Variants in FSD1 observed in about 807,000 individuals in gnomAD.
FSD1 encodes the protein fibronectin type III and SPRY domain containing 1.
A neutral mutation model predicts 58.2 loss-of-function variants in FSD1; 23 were observed. The observed-to-expected ratio is 0.40, with a 90% CI of 0.28 to 0.56. The LOEUF (loss-of-function observed/expected upper bound fraction) is 0.56. FSD1 is among the 20% of genes least tolerant of loss of function. The probability of loss-of-function intolerance (pLI) is 0.54; values close to 1 mark genes in which losing one functional copy is unlikely to be tolerated. For synonymous variants in FSD1, 265 were observed against 263.4 expected (o/e 1.01, Z -0.06); for missense variants, 563 against 670.8 (o/e 0.84, Z 1.78).
At chr19:4,309,888 G>A (rs879220810) in intron 4 of FSD1, among the ~76,000 whole-genome samples, 7 of 138,832 alleles carry the variant, frequency 5.0e-5, no homozygotes, top group South Asian at 2.3e-4. Flanking sequence ...CAGCCTGAAC[G>A]ACAGAGCAAG....
chr19:4,305,931 C>A lies in FSD1; in HGVS notation c.16-15C>A. ...GTGTGTGCACCTGTGTGTGTCCACACTTCTGGTGGTGCAGGAGGCCCTGAG... is the reference window on the plus strand; with the variant it reads ...GTGTGTGCACCTGTGTGTGTCCACAATTCTGGTGGTGCAGGAGGCCCTGAG... On this transcript the variant is annotated splice_polypyrimidine_tract_variant and intron_variant, in intron 1 of 12. Coordinates refer to ENST00000221856, the MANE Select transcript of FSD1 (RefSeq NM_024333.3). 6.2e-7 allele frequency: 1 copy of A among 1,605,126 alleles called. No homozygotes were observed. Among genetic ancestry groups the A allele is most frequent in the Non-Finnish European group, 8.5e-7 (1 of 1,171,834 alleles).
At chr19:4,315,097 T>G (rs1971738597) in intron 7 of FSD1, among the ~76,000 whole-genome samples, 1 of 152,056 alleles carries the variant, frequency 6.6e-6, no homozygotes, top group Non-Finnish European at 1.5e-5. Context: ...TGGGAGGGTT[T>G]GGGTTATTTT....
At chr19:4,313,442 G>T (rs576609375) in intron 7 of FSD1, among the ~76,000 whole-genome samples, 1 of 138,246 alleles carries the variant, frequency 7.2e-6, no homozygotes, top group Admixed American at 7.0e-5. Flanking sequence ...CTCCTGGGCC[G>T]GGCGTGGTGG....
At chr19:4,306,361 G>GCC in intron 3 of FSD1, 32 bp downstream of exon 3, 1 of 1,609,196 alleles carries the variant, frequency 6.2e-7, no homozygotes, top group Non-Finnish European at 8.5e-7. Context: ...CTCTCCCCCC[G>GCC]CCCCTCCTAC....
chr19:4,310,829 A>C, intron 6 of FSD1: 2 of 481,692 alleles, frequency 4.2e-6, no homozygotes, highest in South Asian at 2.4e-5. Flanking sequence ...TCCTGGGAAA[A>C]CTCTGTACCC....
At chr19:4,314,419 C>T (rs1489483865) in intron 7 of FSD1, among the ~76,000 whole-genome samples, 2 of 151,494 alleles carry the variant, frequency 1.3e-5, no homozygotes, top group African/African-American at 2.4e-5. Context: ...ACAAAAAGTA[C>T]AGTGAGGACC....
intron 4 of FSD1, among the ~76,000 whole-genome samples, chr19:4,309,840 C>T (rs537245051): frequency 1.3e-5 from 2 of 149,064 alleles, no homozygotes; most frequent in African/African-American, 5.0e-5. Context: ...ACCCGGGAGG[C>T]GGAGCTTGCA....
Position 4,323,634 on chromosome 19 carries a change from C to T in FSD1, c.1482C>T (p.Ser494=). 6.2e-7 allele frequency: 1 copy of T among 1,610,966 alleles called. No individual in the cohort carries two copies. Among genetic ancestry groups the T allele is most frequent in the Non-Finnish European group, 8.5e-7 (1 of 1,177,856 alleles). ...GTGCTACCAGCAGCTCCAACACCAG[C>T]CTCACCTAGGCCCCCAGGCACCCAC... ...RGSATSSSNT[S]LT The change falls in exon 13 of 13, where the codon AGC becomes AGT. Residue 494 remains serine, a synonymous_variant. Coordinates refer to ENST00000221856, the MANE Select transcript of FSD1 (RefSeq NM_024333.3). This position sits in a 1 kb window ranked among gnomAD's most constrained non-coding sequence, Gnocchi z 7.7.
Position 4,306,359 on chromosome 19 carries a change from C to T in FSD1, c.243+30C>T, listed in dbSNP as rs1019744819. On this transcript the variant is annotated intron_variant, in intron 3 of 12. Coordinates refer to ENST00000221856, the MANE Select transcript of FSD1 (RefSeq NM_024333.3). ...GGGCTGAGGGCATCTTCCTCTCCCC[C>T]CGCCCCTCCTACTCAACAGAACGTA... 3 of 1,611,472 alleles carry T rather than the reference C, an allele frequency of 1.9e-6. No homozygotes were observed. In the African/African-American group the frequency reaches 4.0e-5, roughly 22 times the overall value.
At position 4,310,478 on chromosome 19, in the gene FSD1, G is replaced by T; in HGVS notation, c.372G>T (p.Val124=). The stretch of plus-strand genomic sequence containing the variant: ...GCCTGCCACCTCCTTCCTGCAGAGT[G>T]ACCATGGCCCCTGCCTTCCGGCTAT... The part of the protein sequence containing the change: ...PQAAKQIKDG[V]TMAPAFRLSL... The change falls in exon 6 of 13, where the codon GTG becomes GTT. Residue 124 remains valine (V), a synonymous_variant. Coordinates refer to ENST00000221856, the MANE Select transcript of FSD1 (RefSeq NM_024333.3). 1 of 1,611,704 alleles carries T rather than the reference G, an allele frequency of 6.2e-7. No individual in the cohort carries two copies. Among genetic ancestry groups the T allele is most frequent in the South Asian group, 1.1e-5 (1 of 90,940 alleles).
In FSD1 at chr19:4,323,710, C is replaced by A; in HGVS notation, c.*67C>A. On this transcript the variant is annotated 3_prime_UTR_variant, in exon 13 of 13. Coordinates refer to ENST00000221856, the MANE Select transcript of FSD1 (RefSeq NM_024333.3). The surrounding 1 kb of genome is among the most constrained non-coding windows in gnomAD (Gnocchi z 7.7). ...CGCCGCCAAGCCCAGGCTGCTGGAG[C>A]CAGGCACCCTCCTCTGTCACTTGCT... 2 of 1,089,998 alleles carry A rather than the reference C, an allele frequency of 1.8e-6. No individual in the cohort carries two copies. Among genetic ancestry groups the A allele is most frequent in the Non-Finnish European group, 2.7e-6 (2 of 742,498 alleles). 67.5% of individuals were successfully genotyped at this position (1,089,998 alleles called of 1,614,324 possible). A position where few individuals can be genotyped will look rare whatever the true frequency, so the allele number is the denominator to read the frequency against.
chr19:4,312,804 C>A lies in FSD1; in HGVS notation c.700+753C>A, dbSNP rs1033809829. ...TGGGCGACAGAGCAAGACTCCGTCT[C>A]AAAAAATAAATAAATAAATAAATAA... On this transcript the variant is annotated intron_variant, in intron 7 of 12. Transcript: ENST00000221856. Among the ~76,000 whole-genome samples the A allele has an allele frequency of 1.3e-4, 18 of 141,338 alleles. No individual in the cohort carries two copies. In the East Asian group the frequency reaches 3.5e-3, roughly 28 times the overall value. The allele number at this position is 141,338 out of a possible 152,430, so 92.7% of individuals were successfully genotyped here. A position where few individuals can be genotyped will look rare whatever the true frequency, so the allele number is the denominator to read the frequency against.
Position 4,315,930 on chromosome 19 carries a change from G to A in FSD1, c.701-1252G>A, listed in dbSNP as rs565418873. Among the ~76,000 whole-genome samples the A allele has an allele frequency of 1.3e-3, 196 of 151,618 alleles. 1 individual carries two copies. The highest frequency in any genetic ancestry group is 4.6e-3 in the African/African-American group (191 of 41,332). On this transcript the variant is annotated intron_variant, in intron 7 of 12. Transcript: ENST00000221856. ...AGGTGTGAGCCACCGCGCCTAGCCA[G>A]TTTTTTGTATTTTTTAGTAGAGACA...
chr19:4,322,882 GCT>G, intron 10 of FSD1, 102 bp from the exon 11 acceptor site: 2 of 1,365,534 alleles, frequency 1.5e-6, no homozygotes, highest in Non-Finnish European at 2.0e-6. Context: ...GCAGGGAGCA[GCT>G]GTGGTGTAAG....
In FSD1 at chr19:4,310,596, G is replaced by T. The variant is rs1239467593; in HGVS notation, c.490G>T (p.Val164Leu). Residue 164 changes from valine to leucine, a missense_variant and splice_region_variant, in exon 6 of 13, where the codon GTG becomes TTG. Physicochemically the swap from Val to Leu is conservative, Grantham distance 32 (BLOSUM62 1). Transcript: ENST00000221856. ...GCTACAGGCACTCAAGTTCCTGCCT[G>T]GTGAGAGGGGCACGCACTAGAGGGC... ...QMLQALKFLP[V>L]PSAPVIDLAE... 6.2e-7 allele frequency: 1 copy of T among 1,612,410 alleles called. No individual in the cohort carries two copies. Among genetic ancestry groups the T allele is most frequent in the Non-Finnish European group, 8.5e-7 (1 of 1,179,782 alleles).
chr19:4,310,430 C>G (rs555080190), intron 5 of FSD1, 45 bp from the exon 6 acceptor site: 1 of 1,604,786 alleles, frequency 6.2e-7, no homozygotes, highest in East Asian at 2.2e-5. Context: ...CCACGGATGA[C>G]CAGGCCTGGT....
At position 4,306,319 on chromosome 19, in the gene FSD1, A is replaced by G. The variant is rs747653444; in HGVS notation, c.233A>G (p.Tyr78Cys). 3.1e-6 allele frequency: 5 copies of G among 1,613,854 alleles called. No homozygotes were observed. The South Asian group carries it at 3.3e-5, about 11-fold the overall frequency. The change falls in exon 3 of 13, where the codon TAC (tyrosine) becomes TGC (cysteine). Residue 78 changes from tyrosine to cysteine, a missense_variant. By Grantham distance (194) the Tyr-to-Cys change is radical. Transcript: ENST00000221856. ...KIKQDRASRT[Y>C]ELQNQLAACT... is the part of the protein sequence containing the mutation. Reference sequence around the variant, plus strand: ...AAACAGGACCGTGCCAGCCGTACCTACGAGCTGCAGGTGAGGGCTGAGGGC... The same window carrying G: ...AAACAGGACCGTGCCAGCCGTACCTGCGAGCTGCAGGTGAGGGCTGAGGGC...
chr19:4,322,368 A>T (rs531128432), intron 10 of FSD1, among the ~76,000 whole-genome samples: 4 of 150,678 alleles, frequency 2.7e-5, no homozygotes, highest in Non-Finnish European at 5.9e-5. Flanking sequence ...GATCCCGAGG[A>T]GTATCTGGGA....
intron 4 of FSD1, among the ~76,000 whole-genome samples, chr19:4,309,956 G>A (rs1462997233): frequency 1.1e-4 from 16 of 147,110 alleles, no homozygotes; most frequent in Non-Finnish European, 2.2e-4. Context: ...GGCCAGGCAC[G>A]GTGGCTCATG....
Sources: allele counts gnomAD v4.1 joint callset (sites outside exome capture counted in the v4.1 genomes callset), GRCh38; gene constraint gnomAD v4.1.1; non-coding constraint Gnocchi (gnomAD v3.1); transcripts MANE v1.5; gene names NCBI Gene and HGNC (gene_info 2026-07-23, HGNC 2026-07-21).